STAU2: variants seen among roughly 807,000 people sequenced by gnomAD.
STAU2 encodes double-stranded RNA-binding protein Staufen homolog 2.
Under a neutral mutation model 65.9 loss-of-function variants are expected in STAU2, and 20 were observed. The observed-to-expected ratio is 0.30, with a 90% confidence interval of 0.21 to 0.44. The LOEUF (loss-of-function observed/expected upper bound fraction) is 0.44, where lower values mean the gene tolerates loss of function less well. STAU2 is among the 20% of genes least tolerant of loss of function. STAU2 has a pLI of 1.00. For missense variants in STAU2, 558 were observed against 683.9 expected, an observed-to-expected ratio of 0.82 and a Z score of 2.05; for synonymous variants, 232 against 233.9, an observed-to-expected ratio of 0.99 and a Z score of 0.07.
intron 13 of STAU2, among the ~76,000 whole-genome samples, chr8:73,533,616 C>A (rs957805594): frequency 6.6e-6 from 1 of 152,078 alleles, no homozygotes; most frequent in Non-Finnish European, 1.5e-5. Flanking sequence ...AAGAAATAGA[C>A]AAGGCACTGT....
intron 13 of STAU2, among the ~76,000 whole-genome samples, chr8:73,424,440 A>C (rs1354070188): frequency 6.6e-6 from 1 of 152,000 alleles, no homozygotes; most frequent in Non-Finnish European, 1.5e-5. Flanking sequence ...ACCTCGGGTG[A>C]TCCACCCACC....
chr8:73,743,316 T>C (rs1807015901), intron 1 of STAU2, among the ~76,000 whole-genome samples: 1 of 152,124 alleles, frequency 6.6e-6, no homozygotes, highest in Non-Finnish European at 1.5e-5. Context: ...TTAATCCTCA[T>C]CATCTTGGGA....
chr8:73,708,345 A>C (rs1328900631), intron 4 of STAU2, among the ~76,000 whole-genome samples: 1 of 152,224 alleles, frequency 6.6e-6, no homozygotes, highest in East Asian at 1.9e-4. Context: ...GCCAAGATAT[A>C]AATGTGCCAT....
chr8:73,451,234 C>T (rs192416533), intron 13 of STAU2, among the ~76,000 whole-genome samples: 2 of 152,262 alleles, frequency 1.3e-5, no homozygotes, highest in African/African-American at 2.4e-5. Flanking sequence ...AACCTACAGC[C>T]GTCAGCTTCT....
At chr8:73,550,035 T>C (rs542533642) in intron 13 of STAU2, 3 of 985,588 alleles carry the variant, frequency 3.0e-6, no homozygotes, top group Middle Eastern at 1.0e-3. Flanking sequence ...GCTATGCATG[T>C]GGCCAGACTA....
intron 6 of STAU2, among the ~76,000 whole-genome samples, chr8:73,645,164 G>A (rs1164042287): frequency 3.3e-5 from 5 of 152,076 alleles, no homozygotes; most frequent in South Asian, 2.1e-4. Context: ...GACAAATATC[G>A]TCCATGACTA....
At position 73,570,994 on chromosome 8, in the gene STAU2, G is replaced by A. The variant is rs572596645; in HGVS notation, c.1222+11776C>T. ...AGACCCATCAGTGTGCTGTATTCAG[G>A]AGACCCATCTCACATGCAGAGACAC... On this transcript the variant is annotated intron_variant, in intron 12 of 14. Coordinates refer to ENST00000524300, the MANE Select transcript of STAU2 (RefSeq NM_001164380.2). Among the ~76,000 whole-genome samples the A allele has an allele frequency of 6.5e-4, 99 of 152,246 alleles. No individual in the cohort carries two copies. The South Asian group carries it at 0.012, about 19-fold the overall frequency.
intron 3 of STAU2, among the ~76,000 whole-genome samples, chr8:73,736,977 G>T (rs1806475965): frequency 6.6e-6 from 1 of 152,190 alleles, no homozygotes; most frequent in African/African-American, 2.4e-5. Context: ...CAACTCTTCT[G>T]CCTCAGCCTC....
At chr8:73,560,846 T>C (rs1808174396) in intron 12 of STAU2, among the ~76,000 whole-genome samples, 1 of 152,240 alleles carries the variant, frequency 6.6e-6, no homozygotes, top group Admixed American at 6.5e-5. Flanking sequence ...GAAATGCCTT[T>C]GGAAAGCTTG....
At chr8:73,600,865 T>C (rs138318854) in intron 10 of STAU2, among the ~76,000 whole-genome samples, 2 of 152,346 alleles carry the variant, frequency 1.3e-5, no homozygotes, top group South Asian at 2.1e-4. Flanking sequence ...AATAATCGCA[T>C]GGTTGAATAG....
At chr8:73,747,221 G>C (rs980646564), upstream of STAU2, 1 of 770,186 alleles carries the variant, frequency 1.3e-6, no homozygotes, top group Admixed American at 3.3e-5. Flanking sequence ...GAGCGCGCCC[G>C]GTCCGCAGTC....
chr8:73,472,521 T>C (rs1248219884), intron 13 of STAU2, among the ~76,000 whole-genome samples: 1 of 152,170 alleles, frequency 6.6e-6, no homozygotes, highest in East Asian at 1.9e-4. Context: ...AAAAAATTGA[T>C]AAACGAGGGA....
At chr8:73,453,613 C>T (rs193284977) in intron 13 of STAU2, among the ~76,000 whole-genome samples, 1 of 152,260 alleles carries the variant, frequency 6.6e-6, no homozygotes, top group East Asian at 1.9e-4. Flanking sequence ...TGCTTAGGTG[C>T]TTTGAGGCCT....
chr8:73,700,291 A>G (rs1820001281), intron 4 of STAU2, among the ~76,000 whole-genome samples: 1 of 152,170 alleles, frequency 6.6e-6, no homozygotes, highest in Admixed American at 6.5e-5. Context: ...CACCACTGTT[A>G]TTCAACATAA....
intron 13 of STAU2, among the ~76,000 whole-genome samples, chr8:73,520,268 A>G (rs898053031): frequency 6.6e-6 from 1 of 152,258 alleles, no homozygotes; most frequent in African/African-American, 2.4e-5. Context: ...CCTGAAATGT[A>G]ATAGTTTTAA....
chr8:73,603,598 G>T, intron 10 of STAU2, 128 bp downstream of exon 10: 1 of 1,254,600 alleles, frequency 8.0e-7, no homozygotes, highest in Non-Finnish European at 1.1e-6. Flanking sequence ...AGCCTGGACA[G>T]AATGAATGCT....
intron 13 of STAU2, among the ~76,000 whole-genome samples, chr8:73,462,043 C>T (rs1196410323): frequency 2.0e-5 from 3 of 151,434 alleles, no homozygotes; most frequent in African/African-American, 4.9e-5. Context: ...TCACATCTAT[C>T]GGTAAAAAAA....
At chr8:73,610,095 G>T (rs545106119) in intron 9 of STAU2, among the ~76,000 whole-genome samples, 2 of 151,820 alleles carry the variant, frequency 1.3e-5, no homozygotes, top group Non-Finnish European at 2.9e-5. Context: ...CCTGCACAAC[G>T]TTGCAAAACC....
chr8:73,504,144 T>C (rs747981520), intron 13 of STAU2, among the ~76,000 whole-genome samples: 2 of 152,102 alleles, frequency 1.3e-5, no homozygotes, highest in Non-Finnish European at 2.9e-5. Context: ...ATATAGTCAG[T>C]AGGACCTCCA....
Sources: allele counts gnomAD v4.1 joint callset (sites outside exome capture counted in the v4.1 genomes callset), GRCh38; gene constraint gnomAD v4.1.1; transcripts MANE v1.5; gene names NCBI Gene and HGNC (gene_info 2026-07-23, HGNC 2026-07-21).